The following PGAP6 variants were observed in gnomAD, a reference collection of about 807,000 sequenced individuals.
The protein encoded by PGAP6 is post-GPI attachment to proteins 6.
Under a neutral mutation model 68.4 loss-of-function variants are expected in PGAP6, and 62 were observed. That is an observed-to-expected ratio of 0.91 (90% CI 0.74 to 1.12). The LOEUF is 1.12. Ranked by LOEUF, PGAP6 falls within the 50% of genes most tolerant of loss-of-function variation. PGAP6 has a pLI of 0.00. For missense variants in PGAP6, 1,188 were observed against 1,068.5 expected, an observed-to-expected ratio of 1.11 and a Z score of -1.56; for synonymous variants, 575 against 474.0, an observed-to-expected ratio of 1.21 and a Z score of -2.77.
intron 1 of PGAP6, among the ~76,000 whole-genome samples, chr16:378,587 C>T (rs1325949484): frequency 2.0e-5 from 3 of 151,282 alleles, no homozygotes; most frequent in African/African-American, 7.3e-5. Flanking sequence ...GCCGAAGGAC[C>T]CAGCAGGTGT....
At chr16:379,267 G>A (rs532912467) in intron 1 of PGAP6, among the ~76,000 whole-genome samples, 2 of 152,328 alleles carry the variant, frequency 1.3e-5, no homozygotes, top group East Asian at 3.9e-4. Context: ...AGACAGGTGA[G>A]CAGCAGGCTC....
In PGAP6 at chr16:374,736, G is replaced by A; in HGVS notation, c.1576+20C>T. On this transcript the variant is annotated intron_variant, in intron 9 of 12. Transcript: ENST00000431232. The stretch of plus-strand genomic sequence containing the variant: ...CCAACAGCAGCAGCGTCTCGGGGCG[G>A]GCGGGGCCCTGGCACTCACCTGCCT... The A allele has an allele frequency of 6.2e-7, 1 of 1,611,850 alleles. No homozygotes were observed. The highest frequency in any genetic ancestry group is 8.5e-7 in the Non-Finnish European group (1 of 1,179,732).
chr16:379,198 C>G (rs11648412), intron 1 of PGAP6, among the ~76,000 whole-genome samples: 1 of 152,020 alleles, frequency 6.6e-6, no homozygotes, highest in African/African-American at 2.4e-5. Context: ...CACTCAGGAG[C>G]GCTGCCTAGG....
At chr16:376,926 CCA>C in intron 4 of PGAP6, 109 bp downstream of exon 4, 1 of 1,559,170 alleles carries the variant, frequency 6.4e-7, no homozygotes, top group South Asian at 1.2e-5. Flanking sequence ...GGCATCTGGA[CCA>C]CTTCCCAGCC....
chr16:380,372 CT>C (rs35957500), intron 1 of PGAP6, among the ~76,000 whole-genome samples: 129 of 144,610 alleles, frequency 8.9e-4, no homozygotes, highest in Non-Finnish European at 8.7e-4. Flanking sequence ...TTCTGTCTTT[CT>C]TTTTTTTTTT....
chr16:381,762 C>T lies in PGAP6; in HGVS notation c.60G>A (p.Pro20=), dbSNP rs967646710. 1.6e-5 allele frequency: 19 copies of T among 1,201,676 alleles called. No homozygotes were observed. The highest frequency in any genetic ancestry group is 2.0e-5 in the Non-Finnish European group (19 of 967,180). 74.4% of individuals were successfully genotyped at this position (1,201,676 alleles called of 1,614,324 possible). Residue 20 remains proline, a synonymous_variant, in exon 1 of 13, where the codon CCG becomes CCA. Coordinates refer to ENST00000431232, the MANE Select transcript of PGAP6 (RefSeq NM_021259.3). ...GCCGGGCAAGCAGCAGCAGCAGCAGCGGCCCCGCCACCACCGCGGCCACCG... is the reference window on the plus strand; with the variant it reads ...GCCGGGCAAGCAGCAGCAGCAGCAGTGGCCCCGCCACCACCGCGGCCACCG... ...GEAVAAVVAG[P]LLLLLLARPP...
intron 1 of PGAP6, among the ~76,000 whole-genome samples, chr16:381,073 G>T (rs1323236529): frequency 6.6e-6 from 1 of 152,244 alleles, no homozygotes; most frequent in Admixed American, 6.5e-5. Flanking sequence ...TCAGGGACGG[G>T]GACCCTCAGG....
rs764691487 is a variant in PGAP6 at position 372,221 on chromosome 16, G to T, written c.2082C>A (p.Tyr694Ter). Residue 694 changes from tyrosine to a stop codon, truncating the protein, a stop_gained, in exon 13 of 13, where the codon TAC (tyrosine) becomes TAA (stop). Coordinates refer to ENST00000431232, the MANE Select transcript of PGAP6 (RefSeq NM_021259.3). LOFTEE classifies it low-confidence loss of function (END_TRUNC). ...YPTSWQRWAF[Y>*]LLPGVSMASV... ...AGGCCATAGAGACGCCGGGCAGGAGGTAGAAGGCCCAGCGCTGCCACGAGG... is the reference window on the plus strand; with the variant it reads ...AGGCCATAGAGACGCCGGGCAGGAGTTAGAAGGCCCAGCGCTGCCACGAGG... 1 of 1,612,530 alleles carries T rather than the reference G, an allele frequency of 6.2e-7. No homozygotes were observed. Among genetic ancestry groups the T allele is most frequent in the African/African-American group, 1.3e-5 (1 of 75,050 alleles).
rs1424540706 is a variant in PGAP6, at chr16:377,184, G to T, written c.508-20C>A. 3 of 1,612,678 alleles carry T rather than the reference G, an allele frequency of 1.9e-6. No homozygotes were observed. The East Asian group carries it at 6.7e-5, about 36-fold the overall frequency. On this transcript the variant is annotated intron_variant, in intron 3 of 12. Coordinates refer to ENST00000431232, the MANE Select transcript of PGAP6 (RefSeq NM_021259.3). ...CAAGCCCTAGGGAAAGAACAGGTGTGGGCGGGGGCGGTGTCAGAGAATGCA... is the reference window on the plus strand; with the variant it reads ...CAAGCCCTAGGGAAAGAACAGGTGTTGGCGGGGGCGGTGTCAGAGAATGCA...
Position 377,593 on chromosome 16 carries a change from C to T in PGAP6, c.300-8G>A, listed in dbSNP as rs755703057. 21 of 1,570,920 alleles carry T rather than the reference C, an allele frequency of 1.3e-5. No homozygotes were observed. The highest frequency in any genetic ancestry group is 2.7e-5 in the African/African-American group (2 of 73,924). ...GCGCCGGAACGGAAGTGCCTGGAGA[C>T]GGGAGAGCAGCACCGGGTTCAGGCA... is the stretch of plus-strand genomic sequence containing the variant. On this transcript the variant is annotated splice_polypyrimidine_tract_variant and splice_region_variant and intron_variant, in intron 2 of 12. Coordinates refer to ENST00000431232, the MANE Select transcript of PGAP6 (RefSeq NM_021259.3).
chr16:375,674 G>A (rs1225742343), intron 6 of PGAP6, among the ~76,000 whole-genome samples: 1 of 152,176 alleles, frequency 6.6e-6, no homozygotes, highest in Non-Finnish European at 1.5e-5. Flanking sequence ...TGGGACTACA[G>A]GCGCCCGCCA....
chr16:375,528 C>G, intron 6 of PGAP6, 93 bp from the exon 7 acceptor site: 2 of 1,052,702 alleles, frequency 1.9e-6, no homozygotes, highest in African/African-American at 1.6e-5. Context: ...GGTGCTGGTG[C>G]CTTTCTTTTT....
chr16:372,429 C>G (rs1360051490), intron 12 of PGAP6, 146 bp from the exon 13 acceptor site: 1 of 1,028,402 alleles, frequency 9.7e-7, no homozygotes. Context: ...CTCAAGGCCA[C>G]TGGTCCTCAG....
At position 374,358 on chromosome 16, in the gene PGAP6, T is replaced by C; in HGVS notation, c.1618A>G (p.Thr540Ala). Residue 540 changes from threonine to alanine, a missense_variant, in exon 10 of 13, where the codon ACG (threonine) becomes GCG (alanine). Thr to Ala is a moderately conservative substitution (Grantham distance 58, BLOSUM62 0). Coordinates refer to ENST00000431232, the MANE Select transcript of PGAP6 (RefSeq NM_021259.3). ...WSCTDNSTAQ[T>A]VAQQRAATLL... ...GTGGCCGCCCTCTGCTGGGCCACCGTCTGGGCTGTGCTGTTGTCCGTGCAG... is the reference window on the plus strand; with the variant it reads ...GTGGCCGCCCTCTGCTGGGCCACCGCCTGGGCTGTGCTGTTGTCCGTGCAG... 2 of 1,599,902 alleles carry C rather than the reference T, an allele frequency of 1.3e-6. No individual in the cohort carries two copies. Among genetic ancestry groups the C allele is most frequent in the Non-Finnish European group, 1.7e-6 (2 of 1,178,194 alleles).
intron 3 of PGAP6, 82 bp from the exon 4 acceptor site, chr16:377,246 T>C (rs1048210340): frequency 2.0e-4 from 328 of 1,602,566 alleles, no homozygotes; most frequent in Non-Finnish European, 2.7e-4. Context: ...GCCCCCGGCA[T>C]GCAGGGAGCA....
upstream of PGAP6, among the ~76,000 whole-genome samples, chr16:385,687 C>G (rs555606089): frequency 7.7e-6 from 1 of 129,678 alleles, no homozygotes; most frequent in East Asian, 2.4e-4. Flanking sequence ...TGCAGTGGCG[C>G]GATCCTGGCT....
chr16:379,875 G>C (rs2054423121), intron 1 of PGAP6, among the ~76,000 whole-genome samples: 1 of 152,210 alleles, frequency 6.6e-6, no homozygotes. Flanking sequence ...GGTGACCACA[G>C]GGTGAGGAGG....
At chr16:385,476 T>A (rs1387162191), upstream of PGAP6, among the ~76,000 whole-genome samples, 2 of 145,832 alleles carry the variant, frequency 1.4e-5, no homozygotes, top group African/African-American at 5.2e-5. Flanking sequence ...CATTCCTGGC[T>A]AATTTTTTTT....
At chr16:381,553 G>T (rs1239904383) in intron 1 of PGAP6, 148 bp downstream of exon 1, 1 of 496,318 alleles carries the variant, frequency 2.0e-6, no homozygotes, top group Non-Finnish European at 2.9e-6. Flanking sequence ...CGCCCCAAAG[G>T]GCCACTGTGC....
Sources: allele counts gnomAD v4.1 joint callset (sites outside exome capture counted in the v4.1 genomes callset), GRCh38; gene constraint gnomAD v4.1.1; transcripts MANE v1.5; gene names NCBI Gene and HGNC (gene_info 2026-07-23, HGNC 2026-07-21).